The following LRRIQ3 variants were observed in gnomAD, a reference collection of about 807,000 sequenced individuals.
LRRIQ3 encodes the protein leucine-rich repeat and IQ domain-containing protein 3.
LRRIQ3 carries 75 observed loss-of-function variants against 59.3 expected under a neutral mutation model. That is an observed-to-expected ratio of 1.26 (90% confidence interval 1.05 to 1.53). LRRIQ3 has a LOEUF of 1.53. Ranked by LOEUF, LRRIQ3 falls within the 40% of genes most tolerant of loss-of-function variation. The pLI, the probability that LRRIQ3 is intolerant of heterozygous loss-of-function variation, is 0.00. For synonymous variants in LRRIQ3, 250 were observed against 231.3 expected (o/e 1.08, Z -0.73); for missense variants, 831 against 710.0 (o/e 1.17, Z -1.94).
chr1:74,092,270 A>C (rs982291120), intron 5 of LRRIQ3, among the ~76,000 whole-genome samples: 2 of 152,092 alleles, frequency 1.3e-5, no homozygotes, highest in African/African-American at 4.8e-5. Flanking sequence ...TCAGTCCTAG[A>C]CTGTATACCT....
chr1:74,043,078 A>T (rs2100393660), intron 6 of LRRIQ3, among the ~76,000 whole-genome samples: 1 of 152,210 alleles, frequency 6.6e-6, no homozygotes, highest in Non-Finnish European at 1.5e-5. Flanking sequence ...TTGTTACTAT[A>T]CCCAACCTAA....
intron 4 of LRRIQ3, among the ~76,000 whole-genome samples, chr1:74,114,613 G>A (rs937205088): frequency 4.0e-5 from 6 of 151,894 alleles, no homozygotes; most frequent in African/African-American, 1.5e-4. Flanking sequence ...GCAGGCACCT[G>A]TAGTCCCAGC....
At chr1:74,197,531 T>G (rs945288333) in intron 1 of LRRIQ3, among the ~76,000 whole-genome samples, 1 of 152,174 alleles carries the variant, frequency 6.6e-6, no homozygotes, top group East Asian at 1.9e-4. Flanking sequence ...AAGAGTGTTA[T>G]TGAACATTCT....
At chr1:74,116,701 G>C (rs1646781184) in intron 4 of LRRIQ3, among the ~76,000 whole-genome samples, 1 of 151,876 alleles carries the variant, frequency 6.6e-6, no homozygotes, top group African/African-American at 2.4e-5. Context: ...TTTTACATAA[G>C]AAAGAAGATA....
intron 7 of LRRIQ3, among the ~76,000 whole-genome samples, chr1:74,032,725 C>T (rs1653755162): frequency 6.6e-6 from 1 of 152,006 alleles, no homozygotes; most frequent in Non-Finnish European, 1.5e-5. Flanking sequence ...TTTACCAACA[C>T]ATTCACAGGT....
chr1:74,138,163 C>A lies in LRRIQ3; in HGVS notation c.707+17570G>T, dbSNP rs199949341. Among the ~76,000 whole-genome samples, 475 of 111,652 alleles carry A rather than the reference C, an allele frequency of 4.3e-3. 7 individuals are homozygous for A. Among genetic ancestry groups the A allele is most frequent in the South Asian group, 4.8e-3 (15 of 3,146 alleles). 73.2% of individuals were successfully genotyped at this position (111,652 alleles called of 152,430 possible). Reference sequence around the variant, plus strand: ...TGCTTCCTTTAAAAAAACAAACAAACAAAAAAAAAAAACAAAAAAACAAGG... The same window carrying A: ...TGCTTCCTTTAAAAAAACAAACAAAAAAAAAAAAAAAACAAAAAAACAAGG... On this transcript the variant is annotated intron_variant, in intron 4 of 7. Coordinates refer to ENST00000354431, the MANE Select transcript of LRRIQ3 (RefSeq NM_001105659.2).
intron 3 of LRRIQ3, among the ~76,000 whole-genome samples, chr1:74,174,025 T>C (rs1022422651): frequency 6.6e-6 from 1 of 152,132 alleles, no homozygotes; most frequent in Admixed American, 6.5e-5. Flanking sequence ...TACGTGCAGA[T>C]TTTTGGGCTG....
chr1:74,034,182 TA>T (rs1653802178), intron 7 of LRRIQ3, among the ~76,000 whole-genome samples: 1 of 152,126 alleles, frequency 6.6e-6, no homozygotes, highest in South Asian at 2.1e-4. Flanking sequence ...GTCAAGAGAA[TA>T]AAGAATCATC....
In LRRIQ3 at chr1:74,042,075, G is replaced by A. The variant is rs1654065409; in HGVS notation, c.998-142C>T. On this transcript the variant is annotated intron_variant, in intron 6 of 7. Transcript: ENST00000354431. ...TTTTTCCCAAGTACCTTTTCAACTT[G>A]TGATTTAATAGTAACTTTGGAGAAG... 3 of 761,006 alleles carry A rather than the reference G, an allele frequency of 3.9e-6. No homozygotes were observed. In the Admixed American group the frequency reaches 1.1e-4, roughly 28 times the overall value. The allele number at this position is 761,006 out of a possible 1,614,324, so 47.1% of individuals were successfully genotyped here.
In LRRIQ3 at chr1:74,041,867, T is replaced by C; in HGVS notation, c.1064A>G (p.Lys355Arg). 1 of 1,611,884 alleles carries C rather than the reference T, an allele frequency of 6.2e-7. No individual in the cohort carries two copies. The highest frequency in any genetic ancestry group is 8.5e-7 in the Non-Finnish European group (1 of 1,179,016). The change falls in exon 7 of 8, where the codon AAA becomes AGA. Residue 355 changes from lysine to arginine, a missense_variant. Transcript: ENST00000354431. ...LDTSFRISVF[K>R]LPIYTSGSLK... ...TGAACCTGAAGTGTATATGGGTAGTTTGAAAACTGATATCCTAAAACTGGT... is the reference window on the plus strand; with the variant it reads ...TGAACCTGAAGTGTATATGGGTAGTCTGAAAACTGATATCCTAAAACTGGT...
At chr1:74,149,407 T>G (rs1314392638) in intron 4 of LRRIQ3, among the ~76,000 whole-genome samples, 1 of 152,160 alleles carries the variant, frequency 6.6e-6, no homozygotes, top group African/African-American at 2.4e-5. Flanking sequence ...TTGAAAATTG[T>G]GTTTCTTCAC....
At chr1:74,169,590 A>T (rs113596760) in intron 3 of LRRIQ3, among the ~76,000 whole-genome samples, 37 of 151,998 alleles carry the variant, frequency 2.4e-4, no homozygotes, top group African/African-American at 8.5e-4. Flanking sequence ...TTGCTCTGTC[A>T]CCCAGGCTGG....
chr1:74,192,221 G>A (rs1367468379), intron 1 of LRRIQ3, among the ~76,000 whole-genome samples: 3 of 152,034 alleles, frequency 2.0e-5, no homozygotes, highest in African/African-American at 7.2e-5. Flanking sequence ...TATCTGTTAG[G>A]ACATTCAGAG....
intron 5 of LRRIQ3, chr1:74,084,132 G>A (rs1570087924): frequency 1.3e-6 from 2 of 1,535,702 alleles, no homozygotes; most frequent in East Asian, 2.5e-5. Context: ...TGAATGATGT[G>A]CATAATTCCT....
chr1:74,086,564 T>C (rs1646329434), intron 5 of LRRIQ3, among the ~76,000 whole-genome samples: 1 of 152,110 alleles, frequency 6.6e-6, no homozygotes, highest in African/African-American at 2.4e-5. Flanking sequence ...GTTTAACCTA[T>C]TGTGTTTTAA....
intron 1 of LRRIQ3, 79 bp from the exon 2 acceptor site, chr1:74,183,763 G>C (rs1650171695): frequency 7.9e-7 from 1 of 1,267,194 alleles, no homozygotes; most frequent in African/African-American, 1.5e-5. Context: ...ATTTTGCCAA[G>C]AGATAGCGCA....
intron 4 of LRRIQ3, among the ~76,000 whole-genome samples, chr1:74,154,240 C>CAAACAAAAAAAAAAA (rs1648176929): frequency 3.5e-5 from 2 of 57,290 alleles, no homozygotes; most frequent in African/African-American, 1.5e-4. Flanking sequence ...GACTCCTTCT[C>CAAACAAAAAAAAAAA]AAAAAAAAAA....
chr1:74,055,438 T>C (rs1443100130), intron 6 of LRRIQ3, among the ~76,000 whole-genome samples: 1 of 152,110 alleles, frequency 6.6e-6, no homozygotes, highest in Non-Finnish European at 1.5e-5. Flanking sequence ...TTCATATACA[T>C]GGAGTCATAA....
At position 74,093,946 on chromosome 1, in the gene LRRIQ3, T is replaced by C. The variant is rs552058844; in HGVS notation, c.867+15448A>G. 3.4e-4 allele frequency among the ~76,000 whole-genome samples: 51 copies of C among 152,188 alleles called. No individual in the cohort carries two copies. In the South Asian group the frequency reaches 0.01, roughly 31 times the overall value. ...ATATATTAGTTGGGTAGGGCTTCCA[T>C]AGACTGACTGGCTTAAAACATAGTC... On this transcript the variant is annotated intron_variant, in intron 5 of 7. Transcript: ENST00000354431.
Sources: allele counts gnomAD v4.1 joint callset (sites outside exome capture counted in the v4.1 genomes callset), GRCh38; gene constraint gnomAD v4.1.1; transcripts MANE v1.5; gene names NCBI Gene and HGNC (gene_info 2026-07-23, HGNC 2026-07-21).